Variants in MISP observed in about 807,000 individuals in gnomAD.
The protein encoded by MISP is mitotic interactor and substrate of PLK1.
A neutral mutation model predicts 49.3 loss-of-function variants in MISP; 51 were observed. The ratio of observed to expected loss-of-function variants is 1.03; its 90% CI spans 0.83 to 1.31. The LOEUF (loss-of-function observed/expected upper bound fraction) is 1.31, where lower values mean the gene tolerates loss of function less well. Ranked by LOEUF, MISP falls within the 50% of genes most tolerant of loss-of-function variation. MISP has a pLI of 0.00. For synonymous variants in MISP, 444 were observed against 392.6 expected, an observed-to-expected ratio of 1.13 and a Z score of -1.55; for missense variants, 1,084 against 935.1, an observed-to-expected ratio of 1.16 and a Z score of -2.08.
rs1039076523 is a variant in MISP at position 761,735 on chromosome 19, A to C, written c.1950+72A>C. 1.2e-5 allele frequency: 18 copies of C among 1,530,524 alleles called. No individual in the cohort carries two copies. The African/African-American group carries it at 2.3e-4, about 20-fold the overall frequency. 94.8% of individuals were successfully genotyped at this position (1,530,524 alleles called of 1,614,324 possible). A position where few individuals can be genotyped will look rare whatever the true frequency, so the allele number is the denominator to read the frequency against. Reference sequence around the variant, plus strand: ...TCTGTGCCCCTGCACACAGGGGCCAACGGAAGCCCCTTCCTCCAGGTGTGG... The same window carrying C: ...TCTGTGCCCCTGCACACAGGGGCCACCGGAAGCCCCTTCCTCCAGGTGTGG... On this transcript the variant is annotated intron_variant, in intron 4 of 4. Coordinates refer to ENST00000215582, the MANE Select transcript of MISP (RefSeq NM_173481.4).
In MISP at chr19:757,373, C is replaced by G; in HGVS notation, c.427C>G (p.Arg143Gly). The change falls in exon 2 of 5, where the codon CGC becomes GGC. Residue 143 changes from arginine (R) to glycine (G), a missense_variant. Arg to Gly is a moderately radical substitution (Grantham distance 125). Transcript: ENST00000215582. ...GAGGCTGTGTGACCTGGAGCGGGAG[C>G]GCTGGGCCGTCATCCAGGGCCAGGC... is the stretch of plus-strand genomic sequence containing the variant. Reference protein sequence around the residue: ...PRRLCDLERERWAVIQGQAVR... With the variant: ...PRRLCDLEREGWAVIQGQAVR... 6.2e-7 allele frequency: 1 copy of G among 1,612,078 alleles called. No individual in the cohort carries two copies. Among genetic ancestry groups the G allele is most frequent in the Non-Finnish European group, 8.5e-7 (1 of 1,179,272 alleles).
chr19:759,604 G>A (rs2144965349), intron 2 of MISP, among the ~76,000 whole-genome samples: 2 of 151,750 alleles, frequency 1.3e-5, no homozygotes, highest in East Asian at 3.9e-4. Flanking sequence ...GTTTCACCGT[G>A]TTAGCCAGGA....
At chr19:762,463 G>C (rs1839576099) in intron 4 of MISP, among the ~76,000 whole-genome samples, 1 of 151,434 alleles carries the variant, frequency 6.6e-6, no homozygotes, top group South Asian at 2.1e-4. Context: ...ATGTTGGCCA[G>C]GATGGTCTCG....
chr19:761,543 G>A, intron 3 of MISP, 82 bp from the exon 4 acceptor site: 1 of 1,508,156 alleles, frequency 6.6e-7, no homozygotes, highest in Non-Finnish European at 9.2e-7. Context: ...TGGTGACAGA[G>A]AGGGCTGTGT....
At position 757,670 on chromosome 19, in the gene MISP, G is replaced by A. The variant is rs1325436072; in HGVS notation, c.724G>A (p.Gly242Arg). 7.4e-6 allele frequency: 12 copies of A among 1,613,434 alleles called. No homozygotes were observed. The highest frequency in any genetic ancestry group is 2.2e-5 in the East Asian group (1 of 44,876). Residue 242 changes from glycine (G) to arginine (R), a missense_variant, in exon 2 of 5, where the codon GGG becomes AGG. By Grantham distance (125) the Gly-to-Arg change is moderately radical. Coordinates refer to ENST00000215582, the MANE Select transcript of MISP (RefSeq NM_173481.4). ...CTTCAACAAGCCCCACCTGGCCAAC[G>A]GGCACGTGGTTCCCATCAAGCCCCA... ...KAFNKPHLAN[G>R]HVVPIKPQVK...
chr19:756,970 C>T lies in MISP; in HGVS notation c.24C>T (p.Pro8=). Residue 8 remains proline, a synonymous_variant, in exon 2 of 5, where the codon CCC becomes CCT. Coordinates refer to ENST00000215582, the MANE Select transcript of MISP (RefSeq NM_173481.4). MDRVTRY[P]ILGIPQAHRG... The stretch of plus-strand genomic sequence containing the variant: ...AGATGGACCGCGTGACCAGATACCC[C>T]ATCCTGGGCATCCCTCAGGCACACC... The T allele has an allele frequency of 6.3e-7, 1 of 1,580,244 alleles. No individual in the cohort carries two copies. Among genetic ancestry groups the T allele is most frequent in the Non-Finnish European group, 8.6e-7 (1 of 1,160,026 alleles).
chr19:758,304 C>A lies in MISP; in HGVS notation c.1358C>A (p.Ala453Glu), dbSNP rs199803304. Residue 453 changes from alanine (A) to glutamate (E), a missense_variant, in exon 2 of 5, where the codon GCG becomes GAG. Coordinates refer to ENST00000215582, the MANE Select transcript of MISP (RefSeq NM_173481.4). Reference protein sequence around the residue: ...AFGKPSSLSTAEAKAATSPKA... With the variant: ...AFGKPSSLSTEEAKAATSPKA... ...GGCAAGCCCAGCAGTCTCTCCACAG[C>A]GGAGGCCAAGGCTGCGACTTCACCA... is the stretch of plus-strand genomic sequence containing the variant. The A allele has an allele frequency of 6.2e-7, 1 of 1,613,964 alleles. No individual in the cohort carries two copies. Among genetic ancestry groups the A allele is most frequent in the Non-Finnish European group, 8.5e-7 (1 of 1,180,052 alleles).
rs1033901456 is a variant in MISP at position 757,325 on chromosome 19, G to C, written c.379G>C (p.Asp127His). The stretch of plus-strand genomic sequence containing the variant: ...CAAGGAGATGAAGACCTACCGCCTG[G>C]ATGCTGGGGACGCTGACCCCAGGAG... Reference protein sequence around the residue: ...EDKEMKTYRLDAGDADPRRLC... With the variant: ...EDKEMKTYRLHAGDADPRRLC... Residue 127 changes from aspartate (D) to histidine (H), a missense_variant, in exon 2 of 5, where the codon GAT (aspartate) becomes CAT (histidine). Coordinates refer to ENST00000215582, the MANE Select transcript of MISP (RefSeq NM_173481.4). The C allele has an allele frequency of 1.2e-6, 2 of 1,613,874 alleles. No individual in the cohort carries two copies. Among genetic ancestry groups the C allele is most frequent in the Non-Finnish European group, 1.7e-6 (2 of 1,179,972 alleles).
intron 1 of MISP, among the ~76,000 whole-genome samples, chr19:755,438 T>C (rs1327555336): frequency 2.0e-5 from 3 of 152,052 alleles, no homozygotes; most frequent in African/African-American, 7.2e-5. Flanking sequence ...AACCAGGATG[T>C]GGGAGCCGGG....
At chr19:755,397 G>A (rs914457176) in intron 1 of MISP, among the ~76,000 whole-genome samples, 2 of 152,322 alleles carry the variant, frequency 1.3e-5, no homozygotes, top group Admixed American at 6.5e-5. Flanking sequence ...CAGATGGGAC[G>A]AGGTGTCCAG....
At chr19:749,697 G>A (rs1004845076), upstream of MISP, among the ~76,000 whole-genome samples, 2 of 152,216 alleles carry the variant, frequency 1.3e-5, no homozygotes, top group Non-Finnish European at 2.9e-5. Context: ...GGGCGTGGTG[G>A]CTCATGCCAG....
chr19:762,441 T>C (rs1599189490), intron 4 of MISP, among the ~76,000 whole-genome samples: 1 of 149,190 alleles, frequency 6.7e-6, no homozygotes, highest in Non-Finnish European at 1.5e-5. Context: ...TTAGCAGAGA[T>C]GGGGTTTCAC....
chr19:756,041 C>T (rs2033543770), intron 1 of MISP, among the ~76,000 whole-genome samples: 1 of 152,070 alleles, frequency 6.6e-6, no homozygotes, highest in Non-Finnish European at 1.5e-5. Context: ...ATGTTAGAAA[C>T]ATATAATGCG....
chr19:759,856 G>A (rs1485393493), intron 2 of MISP, 53 bp from the exon 3 acceptor site: 77 of 1,603,800 alleles, frequency 4.8e-5, no homozygotes, highest in Non-Finnish European at 5.7e-5. Flanking sequence ...TCTGTCTCCC[G>A]AGCAGAGGTC....
intron 1 of MISP, among the ~76,000 whole-genome samples, chr19:751,873 C>G (rs938268006): frequency 6.6e-5 from 10 of 152,176 alleles, no homozygotes; most frequent in African/African-American, 2.2e-4. Flanking sequence ...TCTGCATGGC[C>G]TCCTTGTCTG....
intron 3 of MISP, among the ~76,000 whole-genome samples, chr19:761,203 C>A (rs987492114): frequency 1.2e-4 from 18 of 147,490 alleles, no homozygotes; most frequent in Non-Finnish European, 2.2e-4. Flanking sequence ...GATTCTCCTG[C>A]CTCGGCCTCC....
intron 3 of MISP, among the ~76,000 whole-genome samples, chr19:760,807 C>T (rs988710282): frequency 2.6e-5 from 4 of 151,988 alleles, no homozygotes; most frequent in African/African-American, 7.3e-5. Flanking sequence ...CACACGCTGG[C>T]TCGGGGCTTC....
At chr19:762,943 A>G (rs774764771) in intron 4 of MISP, among the ~76,000 whole-genome samples, 29 of 152,166 alleles carry the variant, frequency 1.9e-4, no homozygotes, top group Non-Finnish European at 3.7e-4. Context: ...AATTTCTGGG[A>G]TTATAGGCAT....
At chr19:751,349 C>A (rs909711917) in intron 1 of MISP, among the ~76,000 whole-genome samples, 178 bp downstream of exon 1, 1 of 152,184 alleles carries the variant, frequency 6.6e-6, no homozygotes, top group Non-Finnish European at 1.5e-5. Context: ...CCTGAGGCAC[C>A]TTTCCCTCTG....
Sources: gnomAD v4.1 joint callset for allele counts (sites outside exome capture counted in the v4.1 genomes callset) on GRCh38, gnomAD v4.1.1 for gene constraint, MANE v1.5 for transcripts, NCBI Gene and HGNC (gene_info 2026-07-23, HGNC 2026-07-21) for gene names.